ATXN7L1: variants seen among roughly 807,000 people sequenced by gnomAD.
ATXN7L1 encodes ataxin 7 like 1.
In ATXN7L1, 15 loss-of-function variants were observed where a neutral mutation model predicts 70.8. That is an observed-to-expected ratio of 0.21 (90% CI 0.14 to 0.33). The LOEUF is 0.33. Ranked by LOEUF, ATXN7L1 falls within the 10% of genes least tolerant of loss-of-function variation. The pLI, the probability that ATXN7L1 is intolerant of heterozygous loss-of-function variation, is 1.00. For missense variants in ATXN7L1, 975 were observed against 1,097.1 expected (o/e 0.89, Z 1.57); for synonymous variants, 440 against 445.1 (o/e 0.99, Z 0.14).
intron 3 of ATXN7L1, among the ~76,000 whole-genome samples, chr7:105,711,556 A>G (rs1444743540): frequency 6.6e-6 from 1 of 152,278 alleles, no homozygotes; most frequent in Non-Finnish European, 1.5e-5. Flanking sequence ...TGCAAGTTTG[A>G]AACCTAGTAG....
intron 2 of ATXN7L1, among the ~76,000 whole-genome samples, chr7:105,829,001 G>A (rs1811229090): frequency 6.6e-6 from 1 of 152,184 alleles, no homozygotes; most frequent in Admixed American, 6.5e-5. Flanking sequence ...TACTAGATAA[G>A]CAGTCTTATT....
chr7:105,715,868 C>T (rs1338368446), intron 3 of ATXN7L1, among the ~76,000 whole-genome samples: 2 of 152,174 alleles, frequency 1.3e-5, no homozygotes, highest in Non-Finnish European at 2.9e-5. Flanking sequence ...ACCAATCCTC[C>T]ATTTCTGGGC....
At chr7:105,726,429 T>G (rs1333450729) in intron 3 of ATXN7L1, among the ~76,000 whole-genome samples, 1 of 152,098 alleles carries the variant, frequency 6.6e-6, no homozygotes, top group Non-Finnish European at 1.5e-5. Context: ...TCCCTTAGTG[T>G]GAACAAACCA....
intron 3 of ATXN7L1, among the ~76,000 whole-genome samples, chr7:105,767,673 G>A (rs1219246391): frequency 6.6e-6 from 1 of 152,208 alleles, no homozygotes; most frequent in Non-Finnish European, 1.5e-5. Flanking sequence ...TGATGAAATT[G>A]AGGCACAGAG....
chr7:105,693,040 T>G (rs1385299574), intron 3 of ATXN7L1, among the ~76,000 whole-genome samples: 1 of 152,174 alleles, frequency 6.6e-6, no homozygotes, highest in Non-Finnish European at 1.5e-5. Context: ...AAATTGCTTA[T>G]TTTAACAGGC....
In ATXN7L1 at chr7:105,828,085, T is replaced by C. The variant is rs895686816; in HGVS notation, c.251-39377A>G. The stretch of plus-strand genomic sequence containing the variant: ...AGAATTTTTATCCCTATTTGATAGA[T>C]GAGAAAACCAAGGCACAAAAAAAAA... On this transcript the variant is annotated intron_variant, in intron 2 of 11. Transcript: ENST00000419735. 3.9e-5 allele frequency among the ~76,000 whole-genome samples: 6 copies of C among 151,914 alleles called. No homozygotes were observed. The South Asian group carries it at 8.3e-4, about 21-fold the overall frequency.
intron 3 of ATXN7L1, among the ~76,000 whole-genome samples, chr7:105,748,347 G>A (rs1235972474): frequency 6.6e-6 from 1 of 152,176 alleles, no homozygotes; most frequent in African/African-American, 2.4e-5. Context: ...TTCTCTACCT[G>A]TGAGACTCTG....
chr7:105,709,414 C>T (rs1793603101), intron 3 of ATXN7L1, among the ~76,000 whole-genome samples: 1 of 152,146 alleles, frequency 6.6e-6, no homozygotes, highest in Non-Finnish European at 1.5e-5. Flanking sequence ...GACTGCTCTT[C>T]TCAGGGCCAG....
intron 10 of ATXN7L1, chr7:105,613,390 C>G (rs1379550471): frequency 1.3e-6 from 1 of 777,218 alleles, no homozygotes; most frequent in African/African-American, 1.9e-5. Context: ...GCTCCCACTC[C>G]CAGGTGGGAC....
rs544579076 is a variant in ATXN7L1, at chr7:105,858,231, T to C, written c.250+17581A>G. Among the ~76,000 whole-genome samples, 5 of 152,196 alleles carry C rather than the reference T, an allele frequency of 3.3e-5. No individual in the cohort carries two copies. The East Asian group carries it at 9.7e-4, about 29-fold the overall frequency. On this transcript the variant is annotated intron_variant, in intron 2 of 11. Transcript: ENST00000419735. Reference sequence around the variant, plus strand: ...GGGCAACAGAATGAGACTCTGTCTCTCAAAAAATGAAAATGAAATAAAATA... The same window carrying C: ...GGGCAACAGAATGAGACTCTGTCTCCCAAAAAATGAAAATGAAATAAAATA...
intron 7 of ATXN7L1, 112 bp from the exon 8 acceptor site, chr7:105,624,379 C>T (rs560745525): frequency 1.9e-4 from 206 of 1,080,264 alleles, no homozygotes; most frequent in East Asian, 4.5e-4. Flanking sequence ...AGGCCAGGTT[C>T]GGTGGCTCAC....
intron 4 of ATXN7L1, among the ~76,000 whole-genome samples, chr7:105,651,891 G>A (rs1233679961): frequency 6.6e-6 from 1 of 152,114 alleles, no homozygotes; most frequent in East Asian, 1.9e-4. Context: ...AACTCTATAA[G>A]CCCCCCTCTA....
At chr7:105,781,308 C>T (rs894046835) in intron 3 of ATXN7L1, among the ~76,000 whole-genome samples, 23 of 152,148 alleles carry the variant, frequency 1.5e-4, no homozygotes, top group African/African-American at 5.6e-4. Context: ...AAACGTTCAC[C>T]CCAATTACAA....
chr7:105,861,600 G>A (rs1446929762), intron 2 of ATXN7L1, among the ~76,000 whole-genome samples: 2 of 152,060 alleles, frequency 1.3e-5, no homozygotes, highest in African/African-American at 2.4e-5. Context: ...TGCGGCACCC[G>A]GGGGTGGGAT....
intron 3 of ATXN7L1, among the ~76,000 whole-genome samples, chr7:105,735,290 C>T (rs1797257469): frequency 1.3e-5 from 2 of 152,220 alleles, no homozygotes; most frequent in Admixed American, 6.5e-5. Context: ...CGTATCTACA[C>T]TGAGACTCCA....
chr7:105,761,181 G>T, intron 3 of ATXN7L1: 1 of 1,323,560 alleles, frequency 7.6e-7, no homozygotes, highest in African/African-American at 1.5e-5. Flanking sequence ...GAACCCCACA[G>T]GTACCCCCTG....
At chr7:105,697,499 T>C (rs949530725) in intron 3 of ATXN7L1, among the ~76,000 whole-genome samples, 3 of 152,250 alleles carry the variant, frequency 2.0e-5, no homozygotes, top group Admixed American at 6.5e-5. Flanking sequence ...CTCTGAACAA[T>C]TGCTGTTATC....
intron 7 of ATXN7L1, among the ~76,000 whole-genome samples, chr7:105,627,540 T>C (rs940734396): frequency 2.0e-5 from 3 of 151,390 alleles, no homozygotes; most frequent in Non-Finnish European, 4.4e-5. Context: ...TAGGCCTTTT[T>C]TTTTTTTTTT....
intron 2 of ATXN7L1, among the ~76,000 whole-genome samples, chr7:105,830,596 T>C (rs1047028823): frequency 6.6e-6 from 1 of 152,266 alleles, no homozygotes; most frequent in Non-Finnish European, 1.5e-5. Flanking sequence ...AAGCAAATGA[T>C]GTGGGAAAAC....
Sources: gnomAD v4.1 joint callset for allele counts (sites outside exome capture counted in the v4.1 genomes callset) on GRCh38, gnomAD v4.1.1 for gene constraint, MANE v1.5 for transcripts, NCBI Gene and HGNC (gene_info 2026-07-23, HGNC 2026-07-21) for gene names.